EPS8L2: variants seen among roughly 807,000 people sequenced by gnomAD.
The protein encoded by EPS8L2 is EPS8 signaling adaptor L2.
EPS8L2 carries 81 observed loss-of-function variants against 99.4 expected under a neutral mutation model. That is an observed-to-expected ratio of 0.82 (90% confidence interval 0.68 to 0.98). EPS8L2 has a LOEUF of 0.98. EPS8L2 is among the 50% of genes least tolerant of loss of function. The probability of loss-of-function intolerance (pLI) is 0.00; values close to 1 mark genes in which losing one functional copy is unlikely to be tolerated. For missense variants in EPS8L2, 1,155 were observed against 968.8 expected (o/e 1.19, Z -2.55); for synonymous variants, 509 against 407.3 (o/e 1.25, Z -3.01).
chr11:719,960 G>C (rs1264091114), intron 4 of EPS8L2, 102 bp from the exon 5 acceptor site: 8 of 1,199,392 alleles, frequency 6.7e-6, no homozygotes. Flanking sequence ...CCCTACCCAG[G>C]GTTGGCTGTG....
chr11:711,143 C>T (rs990150776), intron 4 of EPS8L2, among the ~76,000 whole-genome samples: 2 of 152,160 alleles, frequency 1.3e-5, no homozygotes, highest in South Asian at 4.1e-4. Context: ...GCTGCCTGCA[C>T]GCGCCGGACC....
intron 4 of EPS8L2, among the ~76,000 whole-genome samples, chr11:714,992 C>A (rs1330853999): frequency 6.6e-6 from 1 of 152,088 alleles, no homozygotes; most frequent in Non-Finnish European, 1.5e-5. Context: ...CCTGTAATCC[C>A]AGCACTTTGG....
chr11:717,726 TAGGC>T (rs1240489439), intron 4 of EPS8L2, among the ~76,000 whole-genome samples: 1 of 151,042 alleles, frequency 6.6e-6, no homozygotes, highest in Non-Finnish European at 1.5e-5. Context: ...AAAAAATAAA[TAGGC>T]AGGGCACAGT....
intron 18 of EPS8L2, 43 bp from the exon 19 acceptor site, chr11:726,261 C>CA (rs775323247): frequency 4.4e-6 from 7 of 1,580,648 alleles, no homozygotes. Flanking sequence ...GGGGCGGGGG[C>CA]AGGGGCAAGG....
At chr11:718,336 C>A (rs1038928343) in intron 4 of EPS8L2, among the ~76,000 whole-genome samples, 1 of 151,892 alleles carries the variant, frequency 6.6e-6, no homozygotes, top group African/African-American at 2.4e-5. Flanking sequence ...GTCTCAAAAA[C>A]AAAACAAAAA....
At chr11:713,748 G>A (rs889584939) in intron 4 of EPS8L2, among the ~76,000 whole-genome samples, 1 of 152,246 alleles carries the variant, frequency 6.6e-6, no homozygotes, top group African/African-American at 2.4e-5. Flanking sequence ...GTTTCACCAT[G>A]TTGGCCAGGC....
chr11:716,924 G>A (rs961392627), intron 4 of EPS8L2, among the ~76,000 whole-genome samples: 2 of 152,144 alleles, frequency 1.3e-5, no homozygotes, highest in African/African-American at 4.8e-5. Flanking sequence ...TCTGCCTCTC[G>A]CAGAGAGATG....
Position 720,866 on chromosome 11 carries a change from G to A in EPS8L2, c.514G>A (p.Ala172Thr), listed in dbSNP as rs765381407. 6.5e-7 allele frequency: 1 copy of A among 1,533,172 alleles called. No homozygotes were observed. Among genetic ancestry groups the A allele is most frequent in the Non-Finnish European group, 8.7e-7 (1 of 1,143,304 alleles). The allele number at this position is 1,533,172 out of a possible 1,614,324, so 95.0% of individuals were successfully genotyped here. ...GCACGAGGACATCGAGAGCGCGTTG[G>A]CCGACTGCCGGCTGGGCAAGAAGAT... ...LVHEDIESAL[A>T]DCRLGKKMRP... Residue 172 changes from alanine to threonine, a missense_variant, in exon 7 of 21, where the codon GCC becomes ACC. Physicochemically the swap from Ala to Thr is moderately conservative, Grantham distance 58. Transcript: ENST00000318562.
intron 16 of EPS8L2, among the ~76,000 whole-genome samples, chr11:725,250 C>T (rs888666274): frequency 5.3e-5 from 8 of 152,226 alleles, no homozygotes; most frequent in African/African-American, 1.9e-4. Flanking sequence ...CGGCGGCTCA[C>T]GCCTGTAACC....
chr11:712,835 C>T (rs572725799), intron 4 of EPS8L2, among the ~76,000 whole-genome samples: 1 of 152,358 alleles, frequency 6.6e-6, no homozygotes, highest in East Asian at 1.9e-4. Flanking sequence ...AGGCTGGTGA[C>T]TTCGGCCAGC....
At chr11:709,654 G>A (rs759265121) in intron 3 of EPS8L2, 46 bp downstream of exon 3, 1 of 1,598,070 alleles carries the variant, frequency 6.3e-7, no homozygotes, top group Non-Finnish European at 8.5e-7. Context: ...GGGAGAAATG[G>A]GCACTGCATC....
rs562780216 is a variant in EPS8L2, at chr11:720,323, C to T, written c.327+100C>T. 21 of 1,311,728 alleles carry T rather than the reference C, an allele frequency of 1.6e-5. No individual in the cohort carries two copies. The East Asian group carries it at 4.1e-4, about 26-fold the overall frequency. 81.3% of individuals were successfully genotyped at this position (1,311,728 alleles called of 1,614,324 possible). A position where few individuals can be genotyped will look rare whatever the true frequency, so the allele number is the denominator to read the frequency against. ...GTGCGGCCGGTCCTCTCTGCAGGGCCGGCCATGCCCTATCATTCTGGTCCC... is the reference window on the plus strand; with the variant it reads ...GTGCGGCCGGTCCTCTCTGCAGGGCTGGCCATGCCCTATCATTCTGGTCCC... On this transcript the variant is annotated intron_variant, in intron 5 of 20. Transcript: ENST00000318562.
intron 4 of EPS8L2, among the ~76,000 whole-genome samples, chr11:715,093 T>C (rs1360188138): frequency 6.6e-6 from 1 of 151,996 alleles, no homozygotes; most frequent in Non-Finnish European, 1.5e-5. Context: ...ATACAAAAAA[T>C]TAGCCAGGTG....
At chr11:722,374 T>C in intron 12 of EPS8L2, 27 bp from the exon 13 acceptor site, 1 of 1,607,870 alleles carries the variant, frequency 6.2e-7, no homozygotes, top group Non-Finnish European at 8.5e-7. Context: ...TGGGCCTCAG[T>C]CCCCTCTGAA....
At position 724,821 on chromosome 11, in the gene EPS8L2, G is replaced by A; in HGVS notation, c.1552G>A (p.Val518Ile). 1 of 1,611,166 alleles carries A rather than the reference G, an allele frequency of 6.2e-7. No individual in the cohort carries two copies. Among genetic ancestry groups the A allele is most frequent in the Non-Finnish European group, 8.5e-7 (1 of 1,177,788 alleles). Reference sequence around the variant, plus strand: ...CGAGCTATCGGTGCTCAAGGATGAGGTCCTAGAGGTGAGGGGCTGGAGGAC... The same window carrying A: ...CGAGCTATCGGTGCTCAAGGATGAGATCCTAGAGGTGAGGGGCTGGAGGAC... The part of the protein sequence containing the change: ...ANELSVLKDE[V>I]LEVLEDGRQW... The change falls in exon 16 of 21, where the codon GTC (valine) becomes ATC (isoleucine). Residue 518 changes from valine (V) to isoleucine (I), a missense_variant. Physicochemically the swap from Val to Ile is conservative, Grantham distance 29 (BLOSUM62 3). Coordinates refer to ENST00000318562, the MANE Select transcript of EPS8L2 (RefSeq NM_022772.4). This position sits in a 1 kb window ranked among gnomAD's most constrained non-coding sequence, Gnocchi z 5.5.
Position 719,579 on chromosome 11 carries a change from G to A in EPS8L2, c.166-483G>A, listed in dbSNP as rs71469815. On this transcript the variant is annotated intron_variant, in intron 4 of 20. Transcript: ENST00000318562. Reference sequence around the variant, plus strand: ...GACCTGGGGACACAGCTTAGCAAGTGGCAACCGGAACAGTGCCTTGGAGTA... The same window carrying A: ...GACCTGGGGACACAGCTTAGCAAGTAGCAACCGGAACAGTGCCTTGGAGTA... 9.7e-3 allele frequency among the ~76,000 whole-genome samples: 1,474 copies of A among 152,362 alleles called. 12 individuals are homozygous for A. The highest frequency in any genetic ancestry group is 0.016 in the Non-Finnish European group (1,108 of 68,038).
chr11:709,635 A>T (rs1861831662), intron 3 of EPS8L2, 27 bp downstream of exon 3: 1 of 1,610,310 alleles, frequency 6.2e-7, no homozygotes, highest in South Asian at 1.1e-5. Context: ...AACGGGCTGG[A>T]CGTCACAGGG....
At position 723,229 on chromosome 11, in the gene EPS8L2, C is replaced by T; in HGVS notation, c.1342-12C>T. Reference sequence around the variant, plus strand: ...CCCCATGTCTAACTCAGGTCGCCCACCTTCCCCACAGGTGAGTCCAGTGAG... The same window carrying T: ...CCCCATGTCTAACTCAGGTCGCCCATCTTCCCCACAGGTGAGTCCAGTGAG... On this transcript the variant is annotated splice_polypyrimidine_tract_variant and intron_variant, in intron 14 of 20. Transcript: ENST00000318562. 1.3e-6 allele frequency: 2 copies of T among 1,569,658 alleles called. No homozygotes were observed. Among genetic ancestry groups the T allele is most frequent in the Non-Finnish European group, 1.7e-6 (2 of 1,152,306 alleles).
rs1266043264 is a variant in EPS8L2 at position 721,145 on chromosome 11, C to T, written c.639C>T (p.Arg213=). Residue 213 remains arginine, a synonymous_variant, in exon 8 of 21, where the codon CGC becomes CGT. Transcript: ENST00000318562. ...QGPAPIPFQH[R]GGDSPEAKNR... ...CGGCGCCCATCCCCTTCCAGCACCGCGGCGGGGATTCCCCGGAGGCCAAGA... is the reference window on the plus strand; with the variant it reads ...CGGCGCCCATCCCCTTCCAGCACCGTGGCGGGGATTCCCCGGAGGCCAAGA... The T allele has an allele frequency of 7.8e-6, 12 of 1,536,806 alleles. No homozygotes were observed. The highest frequency in any genetic ancestry group is 1.0e-5 in the Non-Finnish European group (12 of 1,144,002).
Sources: allele counts gnomAD v4.1 joint callset (sites outside exome capture counted in the v4.1 genomes callset), GRCh38; gene constraint gnomAD v4.1.1; non-coding constraint Gnocchi (gnomAD v3.1); transcripts MANE v1.5; gene names NCBI Gene and HGNC (gene_info 2026-07-23, HGNC 2026-07-21).